Variants in BMAL1 observed in about 807,000 individuals in gnomAD.
BMAL1 encodes basic helix-loop-helix ARNT like 1.
the BMAL1 span, among the ~76,000 whole-genome samples, chr11:13,347,159 G>A: frequency 3.3e-5 from 5 of 152,140 alleles, no homozygotes; most frequent in South Asian, 2.1e-4. Context: ...TTGGGAGGCC[G>A]AGATGGAGGG....
the BMAL1 span, among the ~76,000 whole-genome samples, chr11:13,324,476 C>A: frequency 1.3e-5 from 2 of 152,220 alleles, no homozygotes; most frequent in Non-Finnish European, 2.9e-5. Flanking sequence ...CACCTTCACT[C>A]CACGCTGGCC....
chr11:13,331,756 T>C, the BMAL1 span, among the ~76,000 whole-genome samples: 1 of 152,200 alleles, frequency 6.6e-6, no homozygotes, highest in Non-Finnish European at 1.5e-5. Context: ...CTCTATCTCT[T>C]TCTTGCCCTG....
At chr11:13,317,367 G>T in the BMAL1 span, among the ~76,000 whole-genome samples, 1 of 152,092 alleles carries the variant, frequency 6.6e-6, no homozygotes, top group Non-Finnish European at 1.5e-5. Flanking sequence ...TTGTTGTTTT[G>T]TTTTTTGTTT....
the BMAL1 span, among the ~76,000 whole-genome samples, chr11:13,328,057 A>G: frequency 2.2e-4 from 34 of 152,280 alleles, no homozygotes; most frequent in African/African-American, 7.7e-4. Flanking sequence ...TTTATTTCCC[A>G]TATCTGAGAT....
At chr11:13,303,894 G>T in the BMAL1 span, among the ~76,000 whole-genome samples, 2 of 152,294 alleles carry the variant, frequency 1.3e-5, no homozygotes, top group East Asian at 3.9e-4. Context: ...TCATGGCATG[G>T]TGTGTTGCAG....
the BMAL1 span, among the ~76,000 whole-genome samples, chr11:13,317,314 A>G: frequency 6.6e-6 from 1 of 152,192 alleles, no homozygotes; most frequent in African/African-American, 2.4e-5. Context: ...TGTCTTTGAA[A>G]AAAATGCTGG....
chr11:13,383,167 A>C, the BMAL1 span, among the ~76,000 whole-genome samples: 1 of 152,182 alleles, frequency 6.6e-6, no homozygotes, highest in Non-Finnish European at 1.5e-5. Context: ...TTTAGCCTGC[A>C]GTTGTTTGTC....
the BMAL1 span, among the ~76,000 whole-genome samples, chr11:13,295,969 C>A: frequency 5.3e-5 from 8 of 152,116 alleles, no homozygotes; most frequent in Non-Finnish European, 1.5e-5. Flanking sequence ...AATATTTTTG[C>A]CTTGGTGTTA....
chr11:13,333,532 C>A, the BMAL1 span, among the ~76,000 whole-genome samples: 1 of 152,216 alleles, frequency 6.6e-6, no homozygotes, highest in Non-Finnish European at 1.5e-5. Context: ...ATCAGCCACA[C>A]CCTGGCTATC....
chr11:13,321,848 G>A, the BMAL1 span, among the ~76,000 whole-genome samples: 57 of 152,268 alleles, frequency 3.7e-4, no homozygotes, highest in Admixed American at 1.1e-3. Context: ...ACAGTGCCCT[G>A]AGAGCCTGGC....
the BMAL1 span, among the ~76,000 whole-genome samples, chr11:13,351,140 G>C: frequency 6.6e-6 from 1 of 152,172 alleles, no homozygotes; most frequent in Non-Finnish European, 1.5e-5. Flanking sequence ...AGGGAGGCTT[G>C]GCAGGGTTTG....
the BMAL1 span, among the ~76,000 whole-genome samples, chr11:13,302,797 C>T: frequency 1.5e-4 from 23 of 152,306 alleles, no homozygotes; most frequent in African/African-American, 5.5e-4. Context: ...TGGCAGGTTC[C>T]TCTGATTGTT....
chr11:13,281,620 C>A, the BMAL1 span, among the ~76,000 whole-genome samples: 1 of 152,116 alleles, frequency 6.6e-6, no homozygotes, highest in African/African-American at 2.4e-5. Context: ...GGTAATCCTC[C>A]TGCCTCAGCC....
chr11:13,309,193 G>A, the BMAL1 span, among the ~76,000 whole-genome samples: 3 of 152,062 alleles, frequency 2.0e-5, no homozygotes, highest in Non-Finnish European at 2.9e-5. Flanking sequence ...AAATGGATGC[G>A]CCATCTCAGT....
At chr11:13,368,743 C>T in the BMAL1 span, among the ~76,000 whole-genome samples, 1 of 152,074 alleles carries the variant, frequency 6.6e-6, no homozygotes, top group Non-Finnish European at 1.5e-5. Flanking sequence ...ATGCTCCACC[C>T]CCAGAGATTC....
chr11:13,363,436 T>C, the BMAL1 span, among the ~76,000 whole-genome samples: 1 of 151,986 alleles, frequency 6.6e-6, no homozygotes, highest in East Asian at 1.9e-4. Context: ...TTTTGTCACC[T>C]CTCTAGCACG....
chr11:13,289,774 G>A, the BMAL1 span, among the ~76,000 whole-genome samples: 1 of 152,192 alleles, frequency 6.6e-6, no homozygotes, highest in African/African-American at 2.4e-5. Flanking sequence ...TCTTAATCCA[G>A]TCTGTCATTG....
At chr11:13,312,060 G>T in the BMAL1 span, among the ~76,000 whole-genome samples, 1 of 152,104 alleles carries the variant, frequency 6.6e-6, no homozygotes, top group African/African-American at 2.4e-5. Context: ...TTTTGACTTG[G>T]TTTGTGTGAA....
chr11:13,349,369 C>T, the BMAL1 span, among the ~76,000 whole-genome samples: 187 of 152,370 alleles, frequency 1.2e-3, 1 homozygote, highest in Non-Finnish European at 2.2e-3. Context: ...CTAGCAAGAG[C>T]TGAGTGGTGC....
Sources: gnomAD v4.1 joint callset for allele counts (sites outside exome capture counted in the v4.1 genomes callset) on GRCh38, gnomAD v4.1.1 for gene constraint, MANE v1.5 for transcripts, NCBI Gene and HGNC (gene_info 2026-07-23, HGNC 2026-07-21) for gene names.